ASTN2: variants seen among roughly 807,000 people sequenced by gnomAD.
ASTN2 encodes astrotactin-2.
A neutral mutation model predicts 139.8 loss-of-function variants in ASTN2; 54 were observed. The ratio of observed to expected loss-of-function variants is 0.39; its 90% CI spans 0.31 to 0.48. The LOEUF is 0.48. Among genes scored for constraint, ASTN2 ranks in the 20% least tolerant of loss-of-function variants. The probability of loss-of-function intolerance (pLI) is 0.95; values close to 1 mark genes in which losing one functional copy is unlikely to be tolerated. For synonymous variants in ASTN2, 756 were observed against 719.5 expected, an observed-to-expected ratio of 1.05 and a Z score of -0.81; for missense variants, 1,565 against 1,725.1, an observed-to-expected ratio of 0.91 and a Z score of 1.64.
chr9:117,034,223 C>T (rs996675327), intron 6 of ASTN2, among the ~76,000 whole-genome samples: 2 of 152,162 alleles, frequency 1.3e-5, no homozygotes, highest in Admixed American at 1.3e-4. Context: ...TGAATATATG[C>T]CCACTTACAT....
At chr9:116,786,663 T>C (rs1564266613) in intron 13 of ASTN2, among the ~76,000 whole-genome samples, 2 of 152,172 alleles carry the variant, frequency 1.3e-5, no homozygotes, top group East Asian at 3.9e-4. Context: ...CATTCCTCAT[T>C]GAATGTCTTT....
At chr9:117,242,664 C>A (rs1351800268) in intron 2 of ASTN2, among the ~76,000 whole-genome samples, 1 of 152,154 alleles carries the variant, frequency 6.6e-6, no homozygotes, top group Non-Finnish European at 1.5e-5. Flanking sequence ...AGCAAGTGGG[C>A]CTAAGCATGA....
intron 5 of ASTN2, among the ~76,000 whole-genome samples, chr9:117,052,434 T>TAAA (rs1266282770): frequency 2.2e-5 from 3 of 137,234 alleles, no homozygotes; most frequent in Non-Finnish European, 3.1e-5. Flanking sequence ...GACTCCATCT[T>TAAA]AAAAAAAAAA....
At position 117,414,772 on chromosome 9, in the gene ASTN2, G is replaced by C; in HGVS notation, c.167C>G (p.Ser56Trp). 1 of 1,265,062 alleles carries C rather than the reference G, an allele frequency of 7.9e-7. No individual in the cohort carries two copies. The highest frequency in any genetic ancestry group is 1.0e-6 in the Non-Finnish European group (1 of 1,003,912). The allele number at this position is 1,265,062 out of a possible 1,614,324, so 78.4% of individuals were successfully genotyped here. Reference sequence around the variant, plus strand: ...CCGGCACGGGCTGTCGGGCTCCCGCGAGGCAGCGGCGGTGGCGCCGGCCAG... The same window carrying C: ...CCGGCACGGGCTGTCGGGCTCCCGCCAGGCAGCGGCGGTGGCGCCGGCCAG... ...PLLAGATAAA[S>W]REPDSPCRLK... The change falls in exon 1 of 23, where the codon TCG (serine) becomes TGG (tryptophan). Residue 56 changes from serine to tryptophan, a missense_variant. Physicochemically the swap from Ser to Trp is radical, Grantham distance 177 (BLOSUM62 -3). This residue lies in a region of ASTN2 where 596 missense variants were observed against 576.8 expected (regional missense o/e 1.03). Transcript: ENST00000313400. This position sits in a 1 kb window ranked among gnomAD's most constrained non-coding sequence, Gnocchi z 4.2.
At chr9:117,358,531 G>T (rs763084368) in intron 1 of ASTN2, among the ~76,000 whole-genome samples, 21 of 152,158 alleles carry the variant, frequency 1.4e-4, no homozygotes, top group Middle Eastern at 6.8e-3. Context: ...GCATTAAACT[G>T]GGGGCAATTG....
intron 2 of ASTN2, among the ~76,000 whole-genome samples, chr9:117,288,975 G>A (rs1834517048): frequency 6.6e-6 from 1 of 152,186 alleles, no homozygotes. Context: ...TATAATCCTT[G>A]TTCTATAAAT....
chr9:116,718,972 G>GTGTGTGTATATATATATATATATATA (rs56991546), intron 16 of ASTN2, among the ~76,000 whole-genome samples: 4 of 100,000 alleles, frequency 4.0e-5, no homozygotes, highest in African/African-American at 1.2e-4. Context: ...ACCTGTATCT[G>GTGTGTGTATATATATATATATATATA]TACATATATA....
intron 3 of ASTN2, chr9:117,181,109 G>A (rs1251627540): frequency 2.1e-6 from 2 of 935,052 alleles, no homozygotes; most frequent in African/African-American, 1.6e-5. Flanking sequence ...CAACAAACAG[G>A]CTGCATACAC....
intron 5 of ASTN2, among the ~76,000 whole-genome samples, chr9:117,052,036 A>C (rs1052562441): frequency 4.6e-5 from 7 of 152,206 alleles, no homozygotes; most frequent in African/African-American, 1.7e-4. Flanking sequence ...TTAGAATTAG[A>C]GAAACTTAGG....
intron 16 of ASTN2, among the ~76,000 whole-genome samples, chr9:116,675,033 C>A (rs1859421610): frequency 6.6e-6 from 1 of 152,122 alleles, no homozygotes; most frequent in African/African-American, 2.4e-5. Context: ...ACCCCCTGGG[C>A]AGTTACAAAT....
intron 13 of ASTN2, among the ~76,000 whole-genome samples, chr9:116,749,878 G>A (rs1829352549): frequency 6.6e-6 from 1 of 152,112 alleles, no homozygotes; most frequent in Non-Finnish European, 1.5e-5. Context: ...GATATGCCCA[G>A]CTCCCCCTAC....
At chr9:116,836,570 AGTTTTGTTTTGTTTT>A (rs59997144) in intron 11 of ASTN2, among the ~76,000 whole-genome samples, 88 of 150,478 alleles carry the variant, frequency 5.8e-4, no homozygotes, top group African/African-American at 1.5e-3. Context: ...TAGGGAGAGC[AGTTTTGTTTTGTTTT>A]GTTTTGTTTT....
intron 10 of ASTN2, among the ~76,000 whole-genome samples, chr9:116,914,839 T>A (rs1457946128): frequency 6.6e-6 from 1 of 152,148 alleles, no homozygotes; most frequent in Non-Finnish European, 1.5e-5. Flanking sequence ...TCAAAGTGGA[T>A]CCTGGGATCC....
intron 1 of ASTN2, among the ~76,000 whole-genome samples, chr9:117,314,632 AATT>A (rs1247179179): frequency 6.8e-6 from 1 of 146,828 alleles, no homozygotes; most frequent in Non-Finnish European, 1.5e-5. Context: ...TACAATATAT[AATT>A]ATAATTATTA....
At chr9:116,980,943 T>C (rs549407746) in intron 7 of ASTN2, among the ~76,000 whole-genome samples, 15 of 152,108 alleles carry the variant, frequency 9.9e-5, no homozygotes, top group Non-Finnish European at 1.8e-4. Flanking sequence ...TAGGGATGCA[T>C]GTAACCATGC....
intron 1 of ASTN2, among the ~76,000 whole-genome samples, chr9:117,349,625 C>T (rs898622045): frequency 6.6e-6 from 1 of 152,164 alleles, no homozygotes; most frequent in African/African-American, 2.4e-5. Context: ...GGAAGTGGAG[C>T]TTAATTGCCC....
At chr9:116,676,489 C>T (rs946645223) in intron 16 of ASTN2, among the ~76,000 whole-genome samples, 2 of 152,322 alleles carry the variant, frequency 1.3e-5, no homozygotes, top group East Asian at 3.9e-4. Context: ...CTACAGGTCC[C>T]TGAAACCAAC....
chr9:116,871,427 A>G (rs979691037), intron 10 of ASTN2, among the ~76,000 whole-genome samples: 1 of 152,170 alleles, frequency 6.6e-6, no homozygotes, highest in African/African-American at 2.4e-5. Flanking sequence ...ATTTTCATCA[A>G]CCCAAAGAGA....
At chr9:116,912,801 G>A (rs1354783748) in intron 10 of ASTN2, among the ~76,000 whole-genome samples, 2 of 152,112 alleles carry the variant, frequency 1.3e-5, no homozygotes, top group Non-Finnish European at 2.9e-5. Context: ...ACTCTAAGTG[G>A]GGGTACCATG....
Sources: allele counts gnomAD v4.1 joint callset (sites outside exome capture counted in the v4.1 genomes callset), GRCh38; gene constraint gnomAD v4.1.1; regional missense constraint gnomAD v4.1.1; non-coding constraint Gnocchi (gnomAD v3.1); transcripts MANE v1.5; gene names NCBI Gene and HGNC (gene_info 2026-07-23, HGNC 2026-07-21).